The following CBX1 variants were observed in gnomAD, a reference collection of about 807,000 sequenced individuals.
CBX1 encodes the protein chromobox protein homolog 1.
A neutral mutation model predicts 25.1 loss-of-function variants in CBX1; 10 were observed. The observed-to-expected ratio is 0.40, with a 90% CI of 0.25 to 0.68. CBX1 has a LOEUF of 0.68. CBX1 is among the 30% of genes least tolerant of loss of function. CBX1 has a pLI of 0.40. For missense variants in CBX1, 106 were observed against 218.5 expected (o/e 0.49, Z 3.25); for synonymous variants, 63 against 79.4 (o/e 0.79, Z 1.10).
chr17:48,080,897 G>C (rs1259128776), intron 1 of CBX1, among the ~76,000 whole-genome samples: 4 of 105,744 alleles, frequency 3.8e-5, no homozygotes, highest in African/African-American at 1.1e-4. Context: ...CTCCAGCCTG[G>C]TGACAGAGCG....
intron 1 of CBX1, among the ~76,000 whole-genome samples, chr17:48,077,991 TAAAAATAC>T (rs1471370345): frequency 1.3e-5 from 2 of 151,710 alleles, no homozygotes; most frequent in African/African-American, 2.4e-5. Flanking sequence ...CTGTCCCTAC[TAAAAATAC>T]AAAAATTAGC....
In CBX1 at chr17:48,086,255, A is replaced by G. The variant is rs530909570; in HGVS notation, c.-37-9214T>C. Reference sequence around the variant, plus strand: ...CACTGAGGAGCTAGAAAATGTAAAGAAGCAACAATGCTACTTGACTGCAGA... The same window carrying G: ...CACTGAGGAGCTAGAAAATGTAAAGGAGCAACAATGCTACTTGACTGCAGA... On this transcript the variant is annotated intron_variant, in intron 1 of 4. Coordinates refer to ENST00000225603, the MANE Select transcript of CBX1 (RefSeq NM_001127228.2). Among the ~76,000 whole-genome samples, 74 of 152,186 alleles carry G rather than the reference A, an allele frequency of 4.9e-4. 1 individual carries two copies. Among genetic ancestry groups the G allele is most frequent in the Non-Finnish European group, 9.1e-4 (62 of 68,032 alleles).
At chr17:48,101,201 A>G (rs1392727095) in intron 1 of CBX1, 67 bp downstream of exon 1, 1 of 989,814 alleles carries the variant, frequency 1.0e-6, no homozygotes. Context: ...TCCCTCACGC[A>G]GGGCTCCCGC....
At chr17:48,072,314 A>G (rs1453487359) in intron 4 of CBX1, among the ~76,000 whole-genome samples, 2 of 152,020 alleles carry the variant, frequency 1.3e-5, no homozygotes, top group African/African-American at 2.4e-5. Flanking sequence ...CCCGGCCCGT[A>G]ATAGGATTAA....
intron 4 of CBX1, among the ~76,000 whole-genome samples, chr17:48,073,198 G>A (rs1598302632): frequency 6.6e-6 from 1 of 152,084 alleles, no homozygotes; most frequent in East Asian, 1.9e-4. Flanking sequence ...AAAGCAAGCA[G>A]GAGACACCTG....
intron 1 of CBX1, chr17:48,088,257 G>A (rs1336494855): frequency 1.3e-5 from 2 of 151,554 alleles, no homozygotes; most frequent in African/African-American, 4.9e-5. Flanking sequence ...GTTACAGTGT[G>A]CCAAGATCGC....
rs547103926 is a variant in CBX1 at position 48,094,042 on chromosome 17, A to G, written c.-38+7226T>C. On this transcript the variant is annotated intron_variant, in intron 1 of 4. Coordinates refer to ENST00000225603, the MANE Select transcript of CBX1 (RefSeq NM_001127228.2). ...GGAAGGAGAATCGCTTCAACCTGGG[A>G]GGCGGAAGTTGCGATGCGCCAAGAT... 1.2e-3 allele frequency among the ~76,000 whole-genome samples: 155 copies of G among 132,420 alleles called. 1 individual carries two copies. Among genetic ancestry groups the G allele is most frequent in the African/African-American group, 4.3e-3 (153 of 35,544 alleles). 86.9% of individuals were successfully genotyped at this position (132,420 alleles called of 152,430 possible).
intron 1 of CBX1, among the ~76,000 whole-genome samples, chr17:48,083,574 G>T (rs886928603): frequency 6.6e-6 from 1 of 150,472 alleles, no homozygotes; most frequent in African/African-American, 2.5e-5. Flanking sequence ...TGTAATCCCA[G>T]TAATTTGGGA....
chr17:48,078,195 ATTTG>A (rs1456507381), intron 1 of CBX1, among the ~76,000 whole-genome samples: 3 of 151,052 alleles, frequency 2.0e-5, no homozygotes, highest in Non-Finnish European at 3.0e-5. Context: ...CTGGATTTGA[ATTTG>A]TTTTTTTTTT....
chr17:48,077,903 T>C (rs540295770), intron 1 of CBX1, among the ~76,000 whole-genome samples: 2 of 152,136 alleles, frequency 1.3e-5, no homozygotes, highest in Admixed American at 1.3e-4. Flanking sequence ...CCTATAATTC[T>C]AGCACTTTGG....
chr17:48,080,995 A>ATATATATAT (rs1567765634), intron 1 of CBX1, among the ~76,000 whole-genome samples: 4 of 74,902 alleles, frequency 5.3e-5, no homozygotes, highest in Admixed American at 1.4e-4. Context: ...TATATATATA[A>ATATATATAT]AATTTGTCTT....
chr17:48,082,047 T>C (rs918587180), intron 1 of CBX1, among the ~76,000 whole-genome samples: 1 of 151,970 alleles, frequency 6.6e-6, no homozygotes, highest in Non-Finnish European at 1.5e-5. Context: ...GCCCAGGAGT[T>C]TGAGACCAGC....
At position 48,070,974 on chromosome 17, in the gene CBX1, C is replaced by G. The variant is rs1388391329; in HGVS notation, c.*461G>C. 2 of 152,950 alleles carry G rather than the reference C, an allele frequency of 1.3e-5. No individual in the cohort carries two copies. Among genetic ancestry groups the G allele is most frequent in the African/African-American group, 2.4e-5 (1 of 41,452 alleles). The allele number at this position is 152,950 out of a possible 1,614,324, so 9.5% of individuals were successfully genotyped here. A position where few individuals can be genotyped will look rare whatever the true frequency, so the allele number is the denominator to read the frequency against. ...AATCAAAATGATGCTACCCATCTCC[C>G]TTTCTCCCCTCCCCATCCCTCCCTC... On this transcript the variant is annotated 3_prime_UTR_variant, in exon 5 of 5. Transcript: ENST00000225603.
At chr17:48,089,886 T>A (rs960821418) in intron 1 of CBX1, among the ~76,000 whole-genome samples, 1 of 151,644 alleles carries the variant, frequency 6.6e-6, no homozygotes, top group Admixed American at 6.6e-5. Context: ...GGAAGTAAAT[T>A]CTGGATACAA....
intron 1 of CBX1, among the ~76,000 whole-genome samples, chr17:48,082,896 C>T (rs1186921879): frequency 2.7e-4 from 32 of 117,526 alleles, no homozygotes; most frequent in Non-Finnish European, 4.1e-4. Context: ...GACGGAATTT[C>T]GCTCTTGTCA....
At chr17:48,096,242 G>C in intron 1 of CBX1, 1 of 437,076 alleles carries the variant, frequency 2.3e-6, no homozygotes. Flanking sequence ...CTAGAATGCT[G>C]GTGTGCGAAT....
intron 1 of CBX1, among the ~76,000 whole-genome samples, chr17:48,090,020 A>G (rs1262383502): frequency 6.6e-6 from 1 of 151,028 alleles, no homozygotes; most frequent in African/African-American, 2.4e-5. Context: ...TCCTGGGTTC[A>G]AGCAATTCTC....
At chr17:48,099,026 G>A (rs1259462449) in intron 1 of CBX1, among the ~76,000 whole-genome samples, 1 of 152,190 alleles carries the variant, frequency 6.6e-6, no homozygotes, top group Non-Finnish European at 1.5e-5. Context: ...CAGAAGACCA[G>A]GGTAACTTAC....
intron 1 of CBX1, among the ~76,000 whole-genome samples, chr17:48,078,072 CA>C (rs572850174): frequency 4.2e-5 from 6 of 143,276 alleles, no homozygotes; most frequent in Admixed American, 7.0e-5. Context: ...GACACTGTCT[CA>C]AAAAAAAAAG....
Sources: allele counts gnomAD v4.1 joint callset (sites outside exome capture counted in the v4.1 genomes callset), GRCh38; gene constraint gnomAD v4.1.1; transcripts MANE v1.5; gene names NCBI Gene and HGNC (gene_info 2026-07-23, HGNC 2026-07-21).